Variants in CDH13 observed in about 807,000 individuals in gnomAD.
The protein encoded by CDH13 is cadherin 13, also known as cadherin-13.
CDH13 carries 24 observed loss-of-function variants against 63.8 expected under a neutral mutation model. The observed-to-expected ratio is 0.38, with a 90% CI of 0.27 to 0.53. CDH13 has a LOEUF of 0.53. Ranked by LOEUF, CDH13 falls within the 20% of genes least tolerant of loss-of-function variation. The pLI is 0.85. For missense variants in CDH13, 1,049 were observed against 903.1 expected (o/e 1.16, Z -2.07); for synonymous variants, 503 against 355.3 (o/e 1.42, Z -4.67).
At chr16:83,648,239 C>T (rs573754623) in intron 8 of CDH13, among the ~76,000 whole-genome samples, 13 of 152,100 alleles carry the variant, frequency 8.5e-5, no homozygotes, top group Admixed American at 2.6e-4. Flanking sequence ...TTCTCAGAGT[C>T]ACATGTGTAT....
At chr16:83,186,293 C>T (rs1039397467) in intron 4 of CDH13, among the ~76,000 whole-genome samples, 11 of 151,894 alleles carry the variant, frequency 7.2e-5, no homozygotes, top group African/African-American at 2.7e-4. Context: ...CACATACCAC[C>T]ATGCCAAGCT....
chr16:82,858,777 A>G (rs915062652), intron 2 of CDH13: 2 of 456,536 alleles, frequency 4.4e-6, no homozygotes, highest in African/African-American at 2.0e-5. Flanking sequence ...AATGAAATTC[A>G]TTTCCCCTGG....
chr16:83,404,066 A>G (rs2092007307), intron 6 of CDH13, among the ~76,000 whole-genome samples: 1 of 152,210 alleles, frequency 6.6e-6, no homozygotes, highest in African/African-American at 2.4e-5. Context: ...ATCATTGCAG[A>G]TTAAAAATCC....
At chr16:83,224,996 C>T (rs1158307303) in intron 5 of CDH13, among the ~76,000 whole-genome samples, 2 of 152,210 alleles carry the variant, frequency 1.3e-5, no homozygotes, top group Non-Finnish European at 2.9e-5. Flanking sequence ...GGAATCATCT[C>T]ACTGGGCAGT....
rs115503503 is a variant in CDH13, at chr16:83,566,574, G to A, written c.961-35880G>A. Among the ~76,000 whole-genome samples, 727 of 152,156 alleles carry A rather than the reference G, an allele frequency of 4.8e-3. 10 individuals carry two copies. The highest frequency in any genetic ancestry group is 0.017 in the African/African-American group (695 of 41,518). On this transcript the variant is annotated intron_variant, in intron 7 of 13. Coordinates refer to ENST00000567109, the MANE Select transcript of CDH13 (RefSeq NM_001257.5). ...TGCAGCAAGCCGTTTTGTGCTTCCTGTTCCCTGGACCCGCCCAAGCCCTGA... is the reference window on the plus strand; with the variant it reads ...TGCAGCAAGCCGTTTTGTGCTTCCTATTCCCTGGACCCGCCCAAGCCCTGA...
chr16:83,112,783 G>A (rs181019489), intron 3 of CDH13, among the ~76,000 whole-genome samples: 2 of 152,136 alleles, frequency 1.3e-5, no homozygotes, highest in East Asian at 1.9e-4. Context: ...CTTTAGCATC[G>A]AGGTATCTAT....
chr16:83,705,457 C>A (rs925598280), intron 10 of CDH13, among the ~76,000 whole-genome samples: 1 of 151,982 alleles, frequency 6.6e-6, no homozygotes, highest in Non-Finnish European at 1.5e-5. Flanking sequence ...CCTGTCTCTA[C>A]TAAAAATACA....
Position 83,765,466 on chromosome 16 carries a change from G to A in CDH13, c.1682-14502G>A, listed in dbSNP as rs541499029. Among the ~76,000 whole-genome samples, 8 of 151,970 alleles carry A rather than the reference G, an allele frequency of 5.3e-5. 1 individual carries two copies. The highest frequency in any genetic ancestry group is 9.7e-5 in the African/African-American group (4 of 41,420). ...GTTCTACATCAAGTATAGTATACACGGAAACCTGGCGTTATATTATTGCAA... is the reference window on the plus strand; with the variant it reads ...GTTCTACATCAAGTATAGTATACACAGAAACCTGGCGTTATATTATTGCAA... On this transcript the variant is annotated intron_variant, in intron 11 of 13. Coordinates refer to ENST00000567109, the MANE Select transcript of CDH13 (RefSeq NM_001257.5).
chr16:83,590,575 A>G (rs1022882399), intron 7 of CDH13, among the ~76,000 whole-genome samples: 12 of 152,258 alleles, frequency 7.9e-5, no homozygotes, highest in African/African-American at 2.4e-4. Flanking sequence ...TGTCTTAGAG[A>G]GAGTCTGTTT....
At chr16:83,730,991 A>C (rs962793050) in intron 10 of CDH13, among the ~76,000 whole-genome samples, 1 of 152,190 alleles carries the variant, frequency 6.6e-6, no homozygotes, top group Non-Finnish European at 1.5e-5. Context: ...AAAGAACACA[A>C]TTTCATCCTT....
chr16:83,675,360 T>A (rs1269836803), intron 9 of CDH13, among the ~76,000 whole-genome samples: 2 of 152,188 alleles, frequency 1.3e-5, no homozygotes, highest in South Asian at 2.1e-4. Context: ...ATGGCCCTGC[T>A]CCCTTCCTAA....
At chr16:83,007,542 T>C (rs1337988312) in intron 2 of CDH13, among the ~76,000 whole-genome samples, 1 of 152,096 alleles carries the variant, frequency 6.6e-6, no homozygotes, top group African/African-American at 2.4e-5. Flanking sequence ...AAGAAAAATG[T>C]CTTAAGGCCG....
Position 82,627,027 on chromosome 16 carries a change from GA to G in CDH13, c.-62del. 6.4e-7 allele frequency: 1 copy of G among 1,551,186 alleles called. No individual in the cohort carries two copies. The highest frequency in any genetic ancestry group is 8.7e-7 in the Non-Finnish European group (1 of 1,144,870). On this transcript the variant is annotated 5_prime_UTR_variant, in exon 1 of 14. Coordinates refer to ENST00000567109, the MANE Select transcript of CDH13 (RefSeq NM_001257.5). ...CTCTCCTCAAAGCCTGGCTCCCACG[GA>G]AAATATGCTCAGTGCAGCCGCGTGC...
chr16:82,857,296 G>C (rs147156228), intron 1 of CDH13, among the ~76,000 whole-genome samples: 379 of 152,318 alleles, frequency 2.5e-3, no homozygotes, highest in African/African-American at 7.2e-3. Context: ...CATATGGTGA[G>C]TTTAGCACAT....
chr16:83,421,694 A>T lies in CDH13; in HGVS notation c.782-64783A>T, dbSNP rs531827562. Among the ~76,000 whole-genome samples the T allele has an allele frequency of 3.9e-5, 6 of 152,322 alleles. No homozygotes were observed. The South Asian group carries it at 1.2e-3, about 32-fold the overall frequency. ...ACCCCTACTGTTGAGGAGACTAATGAAGTATTTGGCTTTTCCAGGCTTTGT... is the reference window on the plus strand; with the variant it reads ...ACCCCTACTGTTGAGGAGACTAATGTAGTATTTGGCTTTTCCAGGCTTTGT... On this transcript the variant is annotated intron_variant, in intron 6 of 13. Coordinates refer to ENST00000567109, the MANE Select transcript of CDH13 (RefSeq NM_001257.5).
chr16:82,741,785 T>C lies in CDH13; in HGVS notation c.45+114648T>C, dbSNP rs142585638. ...TTTTTCAAATAGGGAATTATGTTTT[T>C]AGAAAGACAAGACATAGTATTGAAA... On this transcript the variant is annotated intron_variant, in intron 1 of 13. Transcript: ENST00000567109. Among the ~76,000 whole-genome samples the C allele has an allele frequency of 7.5e-3, 1,150 of 152,318 alleles. 17 individuals carry two copies. The highest frequency in any genetic ancestry group is 0.025 in the African/African-American group (1,034 of 41,568).
chr16:82,690,770 C>G (rs1161797667), intron 1 of CDH13, among the ~76,000 whole-genome samples: 1 of 152,234 alleles, frequency 6.6e-6, no homozygotes, highest in Admixed American at 6.5e-5. Context: ...CACACCTGGC[C>G]TGGCACAACC....
chr16:83,412,114 G>A (rs1035810313), intron 6 of CDH13, among the ~76,000 whole-genome samples: 1 of 152,184 alleles, frequency 6.6e-6, no homozygotes, highest in African/African-American at 2.4e-5. Flanking sequence ...ACTTAAGAAC[G>A]TGCTGAATGC....
At chr16:82,663,585 T>G (rs1912234570) in intron 1 of CDH13, among the ~76,000 whole-genome samples, 1 of 152,200 alleles carries the variant, frequency 6.6e-6, no homozygotes, top group South Asian at 2.1e-4. Flanking sequence ...TTTGTCAGAT[T>G]TATCATTCTT....
Sources: allele counts gnomAD v4.1 joint callset (sites outside exome capture counted in the v4.1 genomes callset), GRCh38; gene constraint gnomAD v4.1.1; transcripts MANE v1.5; gene names NCBI Gene and HGNC (gene_info 2026-07-23, HGNC 2026-07-21).